The following ANO3 variants were observed in gnomAD, a reference collection of about 807,000 sequenced individuals.
The protein encoded by ANO3 is anoctamin-3.
Under a neutral mutation model 144.8 loss-of-function variants are expected in ANO3, and 99 were observed. The observed-to-expected ratio is 0.68, with a 90% CI of 0.58 to 0.81. The LOEUF is 0.81. ANO3 is among the 30% of genes least tolerant of loss of function. The pLI is 0.00. For missense variants in ANO3, 905 were observed against 1,202.2 expected (o/e 0.75, Z 3.66); for synonymous variants, 414 against 392.6 (o/e 1.05, Z -0.64).
At chr11:26,646,830 G>T (rs1404757789) in intron 23 of ANO3, among the ~76,000 whole-genome samples, 5 of 151,800 alleles carry the variant, frequency 3.3e-5, no homozygotes, top group Non-Finnish European at 2.9e-5. Flanking sequence ...TGTGACTTTT[G>T]TACAAATAAA....
At chr11:26,360,174 A>G (rs1260046230) in intron 1 of ANO3, among the ~76,000 whole-genome samples, 1 of 53,550 alleles carries the variant, frequency 1.9e-5, no homozygotes, top group Non-Finnish European at 3.2e-5. Context: ...TGCTTCCCCC[A>G]ACCCCCCCGC....
intron 17 of ANO3, among the ~76,000 whole-genome samples, chr11:26,602,414 G>C (rs777430867): frequency 6.6e-6 from 1 of 151,916 alleles, no homozygotes; most frequent in African/African-American, 2.4e-5. Flanking sequence ...TACATTTATC[G>C]ATATAAAGGA....
chr11:26,374,691 A>G (rs996660817), intron 1 of ANO3, among the ~76,000 whole-genome samples: 2 of 152,188 alleles, frequency 1.3e-5, no homozygotes, highest in African/African-American at 4.8e-5. Context: ...AGACAGGGAA[A>G]GTGGAGGTGG....
At chr11:26,395,312 C>T (rs543766793) in intron 1 of ANO3, among the ~76,000 whole-genome samples, 21 of 152,060 alleles carry the variant, frequency 1.4e-4, no homozygotes, top group East Asian at 1.4e-3. Context: ...AATTCTGTGA[C>T]GAAAGTCAGT....
chr11:26,322,973 T>G (rs1054521217), intron 1 of ANO3, among the ~76,000 whole-genome samples: 2 of 152,162 alleles, frequency 1.3e-5, no homozygotes, highest in African/African-American at 4.8e-5. Context: ...GATATATATT[T>G]TACACTTTAG....
At chr11:26,624,946 G>C (rs1324103669) in intron 18 of ANO3, among the ~76,000 whole-genome samples, 1 of 150,068 alleles carries the variant, frequency 6.7e-6, no homozygotes, top group Non-Finnish European at 1.5e-5. Flanking sequence ...TTCTGAGATG[G>C]AGCCTTGCTC....
At chr11:26,425,031 T>TC (rs1410125953) in intron 1 of ANO3, among the ~76,000 whole-genome samples, 4 of 144,804 alleles carry the variant, frequency 2.8e-5, no homozygotes, top group African/African-American at 7.5e-5. Context: ...ATGCTATCCC[T>TC]CCCCCCCACC....
upstream of ANO3, chr11:26,331,491 T>G (rs747067916): frequency 6.6e-6 from 1 of 152,220 alleles, no homozygotes; most frequent in Admixed American, 6.5e-5. Context: ...AAGTTTCTTT[T>G]TATAATATTA....
chr11:26,496,947 G>A (rs1358008510), intron 4 of ANO3, among the ~76,000 whole-genome samples: 5 of 146,988 alleles, frequency 3.4e-5, no homozygotes, highest in Non-Finnish European at 7.5e-5. Flanking sequence ...ATTCATCACA[G>A]ATGACTGTAA....
intron 18 of ANO3, among the ~76,000 whole-genome samples, chr11:26,629,812 G>T (rs1852717429): frequency 6.6e-6 from 1 of 151,966 alleles, no homozygotes; most frequent in South Asian, 2.1e-4. Context: ...TGTATTTTTA[G>T]TAGAGACAGG....
chr11:26,561,669 C>G (rs1850299315), intron 14 of ANO3, among the ~76,000 whole-genome samples: 1 of 151,846 alleles, frequency 6.6e-6, no homozygotes, highest in South Asian at 2.1e-4. Flanking sequence ...ATCTTGATGG[C>G]TAAACCATTT....
chr11:26,402,481 A>T (rs569125567), intron 1 of ANO3, among the ~76,000 whole-genome samples: 3 of 151,258 alleles, frequency 2.0e-5, no homozygotes, highest in South Asian at 2.1e-4. Context: ...CACACTTGAA[A>T]TTTTTTTTTC....
chr11:26,638,452 A>G (rs1853038053), intron 20 of ANO3, among the ~76,000 whole-genome samples: 1 of 152,246 alleles, frequency 6.6e-6, no homozygotes, highest in African/African-American at 2.4e-5. Context: ...ACATCCGGCA[A>G]TCTTCAAACA....
chr11:26,460,203 T>A (rs1291789993), intron 3 of ANO3: 5 of 372,086 alleles, frequency 1.3e-5, no homozygotes, highest in Admixed American at 3.7e-5. Flanking sequence ...TACTTCAATT[T>A]TTCTACTTCT....
intron 21 of ANO3, 93 bp downstream of exon 21, chr11:26,639,334 A>G: frequency 1.2e-6 from 1 of 844,822 alleles, no homozygotes; most frequent in Non-Finnish European, 2.0e-6. Context: ...TGGTCTTGGT[A>G]ATCAGACAAA....
intron 1 of ANO3, among the ~76,000 whole-genome samples, chr11:26,420,426 C>A (rs559097076): frequency 1.3e-5 from 2 of 152,056 alleles, no homozygotes; most frequent in South Asian, 4.1e-4. Context: ...TTACCATGTG[C>A]CCCAGGAAGC....
intron 1 of ANO3, among the ~76,000 whole-genome samples, chr11:26,317,468 C>A (rs1854652985): frequency 6.6e-6 from 1 of 152,034 alleles, no homozygotes; most frequent in African/African-American, 2.4e-5. Context: ...ACAGACACTT[C>A]TCAAAAGAAG....
intron 5 of ANO3, 50 bp downstream of exon 5, chr11:26,508,312 T>C: frequency 1.3e-6 from 2 of 1,504,046 alleles, no homozygotes; most frequent in Non-Finnish European, 1.8e-6. Context: ...TTGGAACAGA[T>C]ATAATCACTT....
At chr11:26,263,858 T>G (rs1012708611) in intron 1 of ANO3, among the ~76,000 whole-genome samples, 1 of 152,206 alleles carries the variant, frequency 6.6e-6, no homozygotes, top group African/African-American at 2.4e-5. Context: ...GAGTATCATT[T>G]GGTTCCTATA....
Sources: gnomAD v4.1 joint callset for allele counts (sites outside exome capture counted in the v4.1 genomes callset) on GRCh38, gnomAD v4.1.1 for gene constraint, MANE v1.5 for transcripts, NCBI Gene and HGNC (gene_info 2026-07-23, HGNC 2026-07-21) for gene names.